SPOCK1: variants seen among roughly 807,000 people sequenced by gnomAD.
The protein encoded by SPOCK1 is SPARC (osteonectin), cwcv and kazal like domains proteoglycan 1, also known as testican-1.
A neutral mutation model predicts 55.3 loss-of-function variants in SPOCK1; 23 were observed. That is an observed-to-expected ratio of 0.42 (90% CI 0.30 to 0.59). The LOEUF (loss-of-function observed/expected upper bound fraction) is 0.59. Ranked by LOEUF, SPOCK1 falls within the 20% of genes least tolerant of loss-of-function variation. The pLI is 0.22. For missense variants in SPOCK1, 499 were observed against 552.5 expected (o/e 0.90, Z 0.97); for synonymous variants, 226 against 221.0 (o/e 1.02, Z -0.20).
At chr5:137,235,819 C>T (rs1756169581) in intron 3 of SPOCK1, among the ~76,000 whole-genome samples, 1 of 152,212 alleles carries the variant, frequency 6.6e-6, no homozygotes, top group Non-Finnish European at 1.5e-5. Context: ...AAGAGGCAGG[C>T]AGCTCACATA....
At chr5:137,263,630 G>T (rs1372563626) in intron 3 of SPOCK1, among the ~76,000 whole-genome samples, 1 of 152,108 alleles carries the variant, frequency 6.6e-6, no homozygotes, top group Non-Finnish European at 1.5e-5. Context: ...CTTTCTTTGT[G>T]GACTTCACAA....
intron 2 of SPOCK1, among the ~76,000 whole-genome samples, chr5:137,410,101 C>CA (rs1235939772): frequency 2.6e-5 from 4 of 152,254 alleles, no homozygotes; most frequent in African/African-American, 9.6e-5. Context: ...CCCTTAGCTT[C>CA]ACCACTTCCC....
Position 137,067,833 on chromosome 5 carries a change from C to T in SPOCK1, c.475-4G>A. 4 of 1,612,562 alleles carry T rather than the reference C, an allele frequency of 2.5e-6. No individual in the cohort carries two copies. The highest frequency in any genetic ancestry group is 3.4e-6 in the Non-Finnish European group (4 of 1,178,626). ...AAGCATGGAACTCCAATTTGCACTG[C>T]AAAAGAGAGACACAACAGGTCTTAA... On this transcript the variant is annotated splice_region_variant and splice_polypyrimidine_tract_variant and intron_variant, in intron 5 of 10. Coordinates refer to ENST00000394945, the MANE Select transcript of SPOCK1 (RefSeq NM_004598.4).
chr5:137,398,244 T>C (rs930602780), intron 2 of SPOCK1, among the ~76,000 whole-genome samples: 1 of 152,158 alleles, frequency 6.6e-6, no homozygotes, highest in African/African-American at 2.4e-5. Context: ...GGTGGCACCA[T>C]GACAATAATT....
At chr5:137,274,703 C>A (rs988914986) in intron 2 of SPOCK1, among the ~76,000 whole-genome samples, 2 of 152,084 alleles carry the variant, frequency 1.3e-5, no homozygotes, top group African/African-American at 4.8e-5. Flanking sequence ...GAAGGGAGAC[C>A]AATTGCAACT....
intron 2 of SPOCK1, among the ~76,000 whole-genome samples, chr5:137,283,832 G>A (rs916983001): frequency 8.5e-5 from 13 of 152,322 alleles, no homozygotes; most frequent in Middle Eastern, 6.8e-3. Flanking sequence ...CATAGTCGAT[G>A]TGAAAACATT....
chr5:137,247,892 C>A (rs193117395), intron 3 of SPOCK1, among the ~76,000 whole-genome samples: 44 of 152,276 alleles, frequency 2.9e-4, no homozygotes, highest in African/African-American at 9.1e-4. Context: ...GTAAAAGCAC[C>A]AAGATATTCA....
intron 2 of SPOCK1, among the ~76,000 whole-genome samples, chr5:137,347,278 G>A (rs1366740025): frequency 6.6e-6 from 1 of 152,202 alleles, no homozygotes; most frequent in Non-Finnish European, 1.5e-5. Flanking sequence ...TGCCGCCCAT[G>A]TTGCCCCCAG....
rs1035458169 is a variant in SPOCK1 at position 137,061,399 on chromosome 5, G to C, written c.589+6316C>G. Among the ~76,000 whole-genome samples, 3 of 152,146 alleles carry C rather than the reference G, an allele frequency of 2.0e-5. No homozygotes were observed. The South Asian group carries it at 6.2e-4, about 32-fold the overall frequency. On this transcript the variant is annotated intron_variant, in intron 6 of 10. Coordinates refer to ENST00000394945, the MANE Select transcript of SPOCK1 (RefSeq NM_004598.4). ...TGTCAACCCAAGACAGTTTCCCCCA[G>C]AATCTAGCCCTCGGGTTGAAAACAC... is the stretch of plus-strand genomic sequence containing the variant.
At chr5:137,040,635 T>C (rs1561588118) in intron 6 of SPOCK1, among the ~76,000 whole-genome samples, 1 of 152,262 alleles carries the variant, frequency 6.6e-6, no homozygotes, top group Non-Finnish European at 1.5e-5. Context: ...CTTTTGTTTC[T>C]GTATGGTATG....
At chr5:136,986,064 G>C (rs1172810595) in intron 8 of SPOCK1, among the ~76,000 whole-genome samples, 1 of 152,138 alleles carries the variant, frequency 6.6e-6, no homozygotes, top group Non-Finnish European at 1.5e-5. Flanking sequence ...TTACCCTGTA[G>C]ACTGCACAAT....
At chr5:137,101,965 T>A (rs959288457) in intron 5 of SPOCK1, among the ~76,000 whole-genome samples, 7 of 152,238 alleles carry the variant, frequency 4.6e-5, no homozygotes, top group Admixed American at 1.3e-4. Context: ...TGCATGCCCC[T>A]CTATGCCCAT....
At chr5:137,201,680 G>A (rs1280834458) in intron 3 of SPOCK1, among the ~76,000 whole-genome samples, 1 of 152,104 alleles carries the variant, frequency 6.6e-6, no homozygotes, top group Non-Finnish European at 1.5e-5. Flanking sequence ...AGCAATATAA[G>A]CTTTCCTCTA....
chr5:137,301,776 CAG>C (rs1033277604), intron 2 of SPOCK1, among the ~76,000 whole-genome samples: 2 of 151,548 alleles, frequency 1.3e-5, no homozygotes, highest in African/African-American at 4.9e-5. Context: ...TGTACACAAG[CAG>C]AGACAATTTA....
chr5:137,344,550 C>G (rs1391493876), intron 2 of SPOCK1, among the ~76,000 whole-genome samples: 1 of 152,162 alleles, frequency 6.6e-6, no homozygotes, highest in Non-Finnish European at 1.5e-5. Context: ...CTGATGTTCA[C>G]AAATGGGGAG....
intron 3 of SPOCK1, among the ~76,000 whole-genome samples, chr5:137,165,097 C>T (rs560951030): frequency 1.3e-5 from 2 of 152,314 alleles, no homozygotes; most frequent in African/African-American, 4.8e-5. Context: ...GAAGTGGTTA[C>T]AGTAGGCCTT....
At chr5:137,098,327 T>C (rs1753193262) in intron 5 of SPOCK1, among the ~76,000 whole-genome samples, 1 of 152,172 alleles carries the variant, frequency 6.6e-6, no homozygotes, top group African/African-American at 2.4e-5. Context: ...CTGGCTCTAC[T>C]TCCAGCACTC....
At position 137,420,613 on chromosome 5, in the gene SPOCK1, G is replaced by T. The variant is rs536788485; in HGVS notation, c.186+77760C>A. 2.0e-5 allele frequency among the ~76,000 whole-genome samples: 3 copies of T among 152,280 alleles called. No homozygotes were observed. In the South Asian group the frequency reaches 6.2e-4, roughly 32 times the overall value. ...GGTGTTATAGTATTCTCTGATGGTAGTTTGTATTTCTGTGGGATCAGTCGT... is the reference window on the plus strand; with the variant it reads ...GGTGTTATAGTATTCTCTGATGGTATTTTGTATTTCTGTGGGATCAGTCGT... On this transcript the variant is annotated intron_variant, in intron 2 of 10. Transcript: ENST00000394945.
chr5:137,023,262 A>G (rs1269397847), intron 6 of SPOCK1, among the ~76,000 whole-genome samples: 1 of 152,226 alleles, frequency 6.6e-6, no homozygotes, highest in Non-Finnish European at 1.5e-5. Flanking sequence ...CTTAGTAAGC[A>G]TTGAGAGCAC....
Sources: gnomAD v4.1 joint callset for allele counts (sites outside exome capture counted in the v4.1 genomes callset) on GRCh38, gnomAD v4.1.1 for gene constraint, MANE v1.5 for transcripts, NCBI Gene and HGNC (gene_info 2026-07-23, HGNC 2026-07-21) for gene names.